The following EPS8 variants were observed in gnomAD, a reference collection of about 807,000 sequenced individuals.
The protein encoded by EPS8 is epidermal growth factor receptor kinase substrate 8.
In EPS8, 42 loss-of-function variants were observed where a neutral mutation model predicts 103.8. That is an observed-to-expected ratio of 0.40 (90% CI 0.32 to 0.52). EPS8 has a LOEUF of 0.52. Among genes scored for constraint, EPS8 ranks in the 20% least tolerant of loss-of-function variants. The probability of loss-of-function intolerance (pLI) is 0.40; values close to 1 mark genes in which losing one functional copy is unlikely to be tolerated. For synonymous variants in EPS8, 344 were observed against 344.6 expected (o/e 1.00, Z 0.02); for missense variants, 969 against 1,005.1 (o/e 0.96, Z 0.49).
At position 15,733,872 on chromosome 12, in the gene EPS8, T is replaced by G. The variant is rs919968716; in HGVS notation, c.-21-50900A>C. ...TGGAAAATACATTTTTATTTTTATT[T>G]TCTTGAAAAAGGGTCTCACTCTGTC... is the stretch of plus-strand genomic sequence containing the variant. On this transcript the variant is annotated intron_variant, in intron 1 of 20. Transcript: ENST00000281172. The surrounding 1 kb of genome is among the most constrained non-coding windows in gnomAD (Gnocchi z 4.8). Among the ~76,000 whole-genome samples, 1 of 152,138 alleles carries G rather than the reference T, an allele frequency of 6.6e-6. No homozygotes were observed. Among genetic ancestry groups the G allele is most frequent in the African/African-American group, 2.4e-5 (1 of 41,430 alleles).
At chr12:15,650,482 G>A (rs1242342336) in intron 14 of EPS8, among the ~76,000 whole-genome samples, 2 of 152,088 alleles carry the variant, frequency 1.3e-5, no homozygotes, top group African/African-American at 2.4e-5. Flanking sequence ...ATAAGCCAAA[G>A]GGCAGTAGTG....
In EPS8 at chr12:15,650,826, T is replaced by C. The variant is rs546297749; in HGVS notation, c.1431A>G (p.Thr477=). The C allele has an allele frequency of 8.3e-5, 134 of 1,613,376 alleles. 1 individual carries two copies. The South Asian group carries it at 1.4e-3, about 17-fold the overall frequency. ...GCAATGTTAAAAAAAAAACTACCTCTGTGGATAATCTTTTTATTTCCTGTT... is the reference window on the plus strand; with the variant it reads ...GCAATGTTAAAAAAAAAACTACCTCCGTGGATAATCTTTTTATTTCCTGTT... ...QRKQEIKRLS[T]EHSSVSEYHP... is the part of the protein sequence containing the mutation. Residue 477 remains threonine (T), a synonymous_variant, in exon 14 of 21, where the codon ACA becomes ACG. Coordinates refer to ENST00000281172, the MANE Select transcript of EPS8 (RefSeq NM_004447.6).
At chr12:15,655,472 C>A (rs114270250) in intron 12 of EPS8, among the ~76,000 whole-genome samples, 1 of 152,182 alleles carries the variant, frequency 6.6e-6, no homozygotes, top group Non-Finnish European at 1.5e-5. Flanking sequence ...TGACTTTCAA[C>A]TGCAGATGAT....
At chr12:15,634,982 T>C (rs1046474649) in intron 17 of EPS8, among the ~76,000 whole-genome samples, 4 of 152,192 alleles carry the variant, frequency 2.6e-5, no homozygotes, top group African/African-American at 9.7e-5. Context: ...GATTCTACTA[T>C]AGTAGAAACC....
intron 1 of EPS8, among the ~76,000 whole-genome samples, chr12:15,788,864 A>G (rs1351352028): frequency 6.6e-6 from 1 of 152,122 alleles, no homozygotes; most frequent in Admixed American, 6.5e-5. Context: ...GCGGAAGCTC[A>G]GGTTACCATG....
intron 17 of EPS8, among the ~76,000 whole-genome samples, chr12:15,634,432 C>T (rs1215635711): frequency 6.6e-6 from 1 of 152,110 alleles, no homozygotes; most frequent in South Asian, 2.1e-4. Flanking sequence ...TTTTCTTTAG[C>T]AACTTAAGCT....
rs2135962930 is a variant in EPS8, at chr12:15,713,058, T to A, written c.-21-30086A>T. 1 of 918,528 alleles carries A rather than the reference T, an allele frequency of 1.1e-6. No homozygotes were observed. The highest frequency in any genetic ancestry group is 5.0e-5 in the South Asian group (1 of 19,918). 56.9% of individuals were successfully genotyped at this position (918,528 alleles called of 1,614,324 possible). The stretch of plus-strand genomic sequence containing the variant: ...CGTTAACTAAGATTTCCTCCTCTTG[T>A]TAAGTAAGTAAACACAGCTACCACT... On this transcript the variant is annotated intron_variant, in intron 1 of 20. Coordinates refer to ENST00000281172, the MANE Select transcript of EPS8 (RefSeq NM_004447.6). The surrounding 1 kb of genome is among the most constrained non-coding windows in gnomAD (Gnocchi z 4.8).
rs1422154082 is a variant in EPS8, at chr12:15,748,029, A to T, written c.-22+41132T>A. Among the ~76,000 whole-genome samples the T allele has an allele frequency of 6.6e-6, 1 of 151,438 alleles. No homozygotes were observed. Among genetic ancestry groups the T allele is most frequent in the Non-Finnish European group, 1.5e-5 (1 of 68,016 alleles). On this transcript the variant is annotated intron_variant, in intron 1 of 20. Coordinates refer to ENST00000281172, the MANE Select transcript of EPS8 (RefSeq NM_004447.6). This position sits in a 1 kb window ranked among gnomAD's most constrained non-coding sequence, Gnocchi z 4.8. Reference sequence around the variant, plus strand: ...AGCAAGACTCCATCTCAAAATCAAAAACAAAAACAAAACAAAAAAAAGTAA... The same window carrying T: ...AGCAAGACTCCATCTCAAAATCAAATACAAAAACAAAACAAAAAAAAGTAA...
chr12:15,637,009 CT>C (rs1284223272), intron 17 of EPS8, among the ~76,000 whole-genome samples: 1 of 152,116 alleles, frequency 6.6e-6, no homozygotes, highest in Admixed American at 6.6e-5. Context: ...AGATGACAAT[CT>C]TTGTTTTTTC....
intron 1 of EPS8, among the ~76,000 whole-genome samples, chr12:15,718,759 A>T (rs1419517580): frequency 1.3e-5 from 2 of 152,138 alleles, no homozygotes; most frequent in Non-Finnish European, 2.9e-5. Flanking sequence ...TTTTAAACCT[A>T]CAATGTCCTC....
rs1349323840 is a variant in EPS8, at chr12:15,658,527, G to A, written c.996C>T (p.Phe332=). The A allele has an allele frequency of 1.2e-6, 2 of 1,612,472 alleles. No homozygotes were observed. Among genetic ancestry groups the A allele is most frequent in the Admixed American group, 1.7e-5 (1 of 59,952 alleles). ...PPPPDEFLDC[F]QKFKHGFNLL... ...GGTTAAATCCGTGTTTAAACTTTTGGAAACAGTCAAGAAATTCATCAGGAG... is the reference window on the plus strand; with the variant it reads ...GGTTAAATCCGTGTTTAAACTTTTGAAAACAGTCAAGAAATTCATCAGGAG... Residue 332 remains phenylalanine (F), a synonymous_variant, in exon 11 of 21, where the codon TTC becomes TTT. Transcript: ENST00000281172.
intron 17 of EPS8, among the ~76,000 whole-genome samples, chr12:15,637,478 T>A (rs556954859): frequency 1.3e-5 from 2 of 152,308 alleles, no homozygotes; most frequent in Admixed American, 6.5e-5. Flanking sequence ...TACAAAAAAA[T>A]GTGCCTCCTT....
chr12:15,659,094 A>C (rs1419202113), intron 10 of EPS8, among the ~76,000 whole-genome samples: 1 of 152,176 alleles, frequency 6.6e-6, no homozygotes, highest in Non-Finnish European at 1.5e-5. Context: ...CAGCATAAGC[A>C]AAAACAAGGA....
rs1294065159 is a variant in EPS8, at chr12:15,749,191, C to T, written c.-22+39970G>A. ...TCTCACTAAGGGCCAATATAGGAAA[C>T]AAGTAATTAAAAAAAAATTTATTCT... On this transcript the variant is annotated intron_variant, in intron 1 of 20. Coordinates refer to ENST00000281172, the MANE Select transcript of EPS8 (RefSeq NM_004447.6). The surrounding 1 kb of genome is among the most constrained non-coding windows in gnomAD (Gnocchi z 4.0). Among the ~76,000 whole-genome samples the T allele has an allele frequency of 6.6e-6, 1 of 151,956 alleles. No homozygotes were observed. The highest frequency in any genetic ancestry group is 1.5e-5 in the Non-Finnish European group (1 of 67,966).
At chr12:15,650,674 G>C in intron 14 of EPS8, 149 bp downstream of exon 14, 1 of 702,548 alleles carries the variant, frequency 1.4e-6, no homozygotes, top group Non-Finnish European at 2.3e-6. Context: ...AGAGGCAAGA[G>C]AGAGAGGTAA....
chr12:15,726,945 G>A (rs1946660167), intron 1 of EPS8, among the ~76,000 whole-genome samples: 1 of 152,164 alleles, frequency 6.6e-6, no homozygotes, highest in African/African-American at 2.4e-5. Flanking sequence ...ATTACTGAAA[G>A]TTATGAGTTG....
chr12:15,709,550 T>C (rs1946433674), intron 1 of EPS8, among the ~76,000 whole-genome samples: 1 of 152,132 alleles, frequency 6.6e-6, no homozygotes, highest in Non-Finnish European at 1.5e-5. Context: ...TAATGGGAAA[T>C]GGAAACTCTA....
At chr12:15,726,174 A>G (rs1946650875) in intron 1 of EPS8, among the ~76,000 whole-genome samples, 1 of 152,158 alleles carries the variant, frequency 6.6e-6, no homozygotes. Flanking sequence ...GAAATTAAAG[A>G]GCTGACAAAG....
intron 1 of EPS8, among the ~76,000 whole-genome samples, chr12:15,689,256 TTAAAA>T (rs1288373918): frequency 6.6e-6 from 1 of 152,170 alleles, no homozygotes; most frequent in African/African-American, 2.4e-5. Flanking sequence ...TCAACTCTTC[TTAAAA>T]TAAGGTATTA....
Sources: allele counts gnomAD v4.1 joint callset (sites outside exome capture counted in the v4.1 genomes callset), GRCh38; gene constraint gnomAD v4.1.1; non-coding constraint Gnocchi (gnomAD v3.1); transcripts MANE v1.5; gene names NCBI Gene and HGNC (gene_info 2026-07-23, HGNC 2026-07-21).